DKK2: variants seen among roughly 807,000 people sequenced by gnomAD.
DKK2 encodes the protein dickkopf-related protein 2.
A neutral mutation model predicts 28.1 loss-of-function variants in DKK2; 11 were observed. The ratio of observed to expected loss-of-function variants is 0.39; its 90% confidence interval spans 0.25 to 0.65. DKK2 has a LOEUF of 0.65. Ranked by LOEUF, DKK2 falls within the 30% of genes least tolerant of loss-of-function variation. The pLI is 0.47. For synonymous variants in DKK2, 135 were observed against 126.5 expected (o/e 1.07, Z -0.45); for missense variants, 326 against 335.5 (o/e 0.97, Z 0.22).
rs1239644848 is a variant in DKK2 at position 106,923,086 on chromosome 4, T to A, written c.*868A>T. ...TGGACATCTTTAAATTTTTTTGCCA[T>A]CTGTGAAAATTCTGCTCTGTGTAAG... On this transcript the variant is annotated 3_prime_UTR_variant, in exon 4 of 4. Transcript: ENST00000285311. 1 of 152,148 alleles carries A rather than the reference T, an allele frequency of 6.6e-6. No individual in the cohort carries two copies. Among genetic ancestry groups the A allele is most frequent in the Admixed American group, 6.6e-5 (1 of 15,248 alleles). The allele number at this position is 152,148 out of a possible 1,614,324, so 9.4% of individuals were successfully genotyped here. A position where few individuals can be genotyped will look rare whatever the true frequency, so the allele number is the denominator to read the frequency against.
At chr4:106,967,826 A>C (rs1315894841) in intron 1 of DKK2, among the ~76,000 whole-genome samples, 1 of 151,502 alleles carries the variant, frequency 6.6e-6, no homozygotes, top group East Asian at 1.9e-4. Context: ...GAAAGAAAAA[A>C]AGGAAGGAAG....
At chr4:107,008,602 G>A (rs1723472755) in intron 1 of DKK2, among the ~76,000 whole-genome samples, 2 of 151,936 alleles carry the variant, frequency 1.3e-5, no homozygotes, top group South Asian at 4.1e-4. Flanking sequence ...AAGGCAGTTA[G>A]GCTTTATCTT....
chr4:107,031,061 A>AAAATACTT (rs1723867989), intron 1 of DKK2, among the ~76,000 whole-genome samples: 1 of 152,032 alleles, frequency 6.6e-6, no homozygotes, highest in Non-Finnish European at 1.5e-5. Context: ...GATTATCATT[A>AAAATACTT]AAATACTTTT....
At chr4:107,023,924 A>C (rs1723732389) in intron 1 of DKK2, among the ~76,000 whole-genome samples, 1 of 152,138 alleles carries the variant, frequency 6.6e-6, no homozygotes, top group Non-Finnish European at 1.5e-5. Context: ...CTGCACATAT[A>C]ATATGAACAA....
intron 1 of DKK2, among the ~76,000 whole-genome samples, chr4:106,988,574 G>A (rs568607945): frequency 1.3e-5 from 2 of 152,180 alleles, no homozygotes; most frequent in African/African-American, 4.8e-5. Context: ...AAATTAACGT[G>A]AGTTCAAGTA....
chr4:106,991,755 C>T (rs1043576230), intron 1 of DKK2, among the ~76,000 whole-genome samples: 1 of 152,096 alleles, frequency 6.6e-6, no homozygotes, highest in Admixed American at 6.6e-5. Flanking sequence ...TGTATACACA[C>T]CAAAATACCA....
In DKK2 at chr4:107,035,724, G is replaced by T. The variant is rs1422511827; in HGVS notation, c.-133C>A. On this transcript the variant is annotated 5_prime_UTR_variant, in exon 1 of 4. Transcript: ENST00000285311. ...AGATTGTGTTCCCTCAACCCTTCCT[G>T]GTTCGGGGACCCAGGACCCTATGAA... 8.0e-6 allele frequency: 7 copies of T among 878,936 alleles called. No homozygotes were observed. The highest frequency in any genetic ancestry group is 7.9e-5 in the East Asian group (3 of 38,080). 54.4% of individuals were successfully genotyped at this position (878,936 alleles called of 1,614,324 possible).
At chr4:106,960,976 T>G (rs569399462) in intron 1 of DKK2, among the ~76,000 whole-genome samples, 1 of 152,298 alleles carries the variant, frequency 6.6e-6, no homozygotes, top group Non-Finnish European at 1.5e-5. Flanking sequence ...TATTTATTAT[T>G]CATTACAATT....
At chr4:107,013,738 G>C (rs1723547543) in intron 1 of DKK2, among the ~76,000 whole-genome samples, 1 of 151,234 alleles carries the variant, frequency 6.6e-6, no homozygotes, top group Admixed American at 6.6e-5. Flanking sequence ...GAAACAATGG[G>C]GAGAGCAGAG....
rs1376430469 is a variant in DKK2, at chr4:106,938,235, GAAAAA to G, written c.223-12291_223-12287del. Among the ~76,000 whole-genome samples the G allele has an allele frequency of 4.3e-3, 644 of 149,728 alleles. 5 individuals are homozygous for G. Among genetic ancestry groups the G allele is most frequent in the African/African-American group, 0.015 (620 of 40,584 alleles). On this transcript the variant is annotated intron_variant, in intron 1 of 3. Transcript: ENST00000285311. The stretch of plus-strand genomic sequence containing the variant: ...ATAGACCGCTAGCAAGACTAATAAA[GAAAAA>G]AAGAGAGAAGAATCAAATAGATGCA...
At chr4:107,004,553 A>G (rs889027686) in intron 1 of DKK2, among the ~76,000 whole-genome samples, 7 of 152,198 alleles carry the variant, frequency 4.6e-5, no homozygotes, top group Admixed American at 6.5e-5. Flanking sequence ...TCACTATGCA[A>G]TTCTATAATT....
At chr4:107,019,962 G>A (rs1211446439) in intron 1 of DKK2, among the ~76,000 whole-genome samples, 1 of 151,898 alleles carries the variant, frequency 6.6e-6, no homozygotes, top group African/African-American at 2.4e-5. Context: ...CCCACCATTA[G>A]AGCATATTCT....
intron 1 of DKK2, among the ~76,000 whole-genome samples, chr4:106,986,339 CTT>C: frequency 6.6e-6 from 1 of 152,160 alleles, no homozygotes; most frequent in South Asian, 2.1e-4. Flanking sequence ...AACTTTGAGT[CTT>C]AATTGTTTGA....
intron 1 of DKK2, among the ~76,000 whole-genome samples, chr4:106,994,167 T>C (rs1723240641): frequency 6.6e-6 from 1 of 152,242 alleles, no homozygotes; most frequent in African/African-American, 2.4e-5. Context: ...TACCATCCTT[T>C]ACTTTCACCA....
rs539997063 is a variant in DKK2, at chr4:106,932,414, A to G, written c.223-6465T>C. The stretch of plus-strand genomic sequence containing the variant: ...TCTGCATGTCATTAAACCAAAAGGA[A>G]ATTCTAGGGAATGCTCTACTTGGAA... On this transcript the variant is annotated intron_variant, in intron 1 of 3. Coordinates refer to ENST00000285311, the MANE Select transcript of DKK2 (RefSeq NM_014421.3). Among the ~76,000 whole-genome samples the G allele has an allele frequency of 2.0e-5, 3 of 152,260 alleles. No homozygotes were observed. In the East Asian group the frequency reaches 5.8e-4, roughly 29 times the overall value.
Position 106,924,602 on chromosome 4 carries a change from G to T in DKK2, c.472C>A (p.His158Asn), listed in dbSNP as rs1724399564. The change falls in exon 3 of 4, where the codon CAT (histidine) becomes AAT (asparagine). Residue 158 changes from histidine to asparagine, a missense_variant. Physicochemically the swap from His to Asn is moderately conservative, Grantham distance 68. Coordinates refer to ENST00000285311, the MANE Select transcript of DKK2 (RefSeq NM_014421.3). Reference sequence around the variant, plus strand: ...CCTAGATTCTGCCATCCCAAGTCATGGTTTGAGTAATGACCGTGGTTTCGA... The same window carrying T: ...CCTAGATTCTGCCATCCCAAGTCATTGTTTGAGTAATGACCGTGGTTTCGA... ...RDRNHGHYSN[H>N]DLGWQNLGRP... 2 of 1,613,906 alleles carry T rather than the reference G, an allele frequency of 1.2e-6. No homozygotes were observed. The highest frequency in any genetic ancestry group is 1.7e-6 in the Non-Finnish European group (2 of 1,179,888).
At chr4:106,987,848 A>G (rs918342442) in intron 1 of DKK2, among the ~76,000 whole-genome samples, 3 of 150,696 alleles carry the variant, frequency 2.0e-5, no homozygotes, top group Admixed American at 6.7e-5. Flanking sequence ...ACCCTAACTG[A>G]CATGATGTTA....
At chr4:107,009,124 A>G (rs1467892587) in intron 1 of DKK2, among the ~76,000 whole-genome samples, 2 of 151,948 alleles carry the variant, frequency 1.3e-5, no homozygotes, top group African/African-American at 4.8e-5. Context: ...ACAGACTTAC[A>G]TCTTTAACAT....
At chr4:106,961,872 C>T (rs375329654) in intron 1 of DKK2, among the ~76,000 whole-genome samples, 2 of 152,224 alleles carry the variant, frequency 1.3e-5, no homozygotes, top group Non-Finnish European at 1.5e-5. Flanking sequence ...TTATGACATA[C>T]GCAAAGCACT....
Sources: gnomAD v4.1 joint callset for allele counts (sites outside exome capture counted in the v4.1 genomes callset) on GRCh38, gnomAD v4.1.1 for gene constraint, MANE v1.5 for transcripts, NCBI Gene and HGNC (gene_info 2026-07-23, HGNC 2026-07-21) for gene names.